TNFRSF19: variants seen among roughly 807,000 people sequenced by gnomAD.
TNFRSF19 encodes the protein TNF receptor superfamily member 19, also known as tumor necrosis factor receptor superfamily member 19.
Under a neutral mutation model 46.4 loss-of-function variants are expected in TNFRSF19, and 27 were observed. That is an observed-to-expected ratio of 0.58 (90% CI 0.43 to 0.80). The LOEUF (loss-of-function observed/expected upper bound fraction) is 0.80, where lower values mean the gene tolerates loss of function less well. Ranked by LOEUF, TNFRSF19 falls within the 30% of genes least tolerant of loss-of-function variation. TNFRSF19 has a pLI of 0.00. For synonymous variants in TNFRSF19, 204 were observed against 205.0 expected, an observed-to-expected ratio of 1.00 and a Z score of 0.04; for missense variants, 511 against 530.8, an observed-to-expected ratio of 0.96 and a Z score of 0.37.
intron 7 of TNFRSF19, among the ~76,000 whole-genome samples, chr13:23,667,441 TAGG>T (rs966177840): frequency 6.6e-6 from 1 of 152,200 alleles, no homozygotes; most frequent in Non-Finnish European, 1.5e-5. Flanking sequence ...TCGTCTGTGT[TAGG>T]AGGCCACTCA....
chr13:23,656,439 T>C (rs930317613), intron 5 of TNFRSF19, among the ~76,000 whole-genome samples: 3 of 152,222 alleles, frequency 2.0e-5, no homozygotes, highest in Non-Finnish European at 4.4e-5. Context: ...GAATGTATTA[T>C]AGAAGGATTT....
chr13:23,597,584 C>T (rs566523034), intron 3 of TNFRSF19, among the ~76,000 whole-genome samples: 1 of 150,256 alleles, frequency 6.7e-6, no homozygotes, highest in South Asian at 2.1e-4. Flanking sequence ...ATAACAAGTT[C>T]TGAAATTGAG....
At chr13:23,616,307 A>C (rs1458535275) in intron 4 of TNFRSF19, among the ~76,000 whole-genome samples, 1 of 152,224 alleles carries the variant, frequency 6.6e-6, no homozygotes, top group Non-Finnish European at 1.5e-5. Flanking sequence ...GAGTTCCTAC[A>C]AATCAGTAAA....
chr13:23,632,357 C>A (rs991450490), intron 5 of TNFRSF19, among the ~76,000 whole-genome samples: 1 of 152,180 alleles, frequency 6.6e-6, no homozygotes, highest in African/African-American at 2.4e-5. Context: ...AAATACTTAG[C>A]TCTTTACTGC....
chr13:23,660,413 G>T lies in TNFRSF19; in HGVS notation c.659G>T (p.Cys220Phe), dbSNP rs149014293. ...DIQYNGSELS[C>F]FDRPQLHEYA... ...CAGTACAACGGCTCTGAGCTGTCGT[G>T]TTTTGACAGACCTCAGCTCCACGAA... Residue 220 changes from cysteine to phenylalanine, a missense_variant, in exon 7 of 10, where the codon TGT becomes TTT. Around this residue, in one of 3 missense-constraint regions of TNFRSF19, gnomAD observed 376 missense variants for 372.7 expected, o/e 1.01. Transcript: ENST00000248484. 1.4e-5 allele frequency: 23 copies of T among 1,613,980 alleles called. No individual in the cohort carries two copies. The African/African-American group carries it at 2.8e-4, about 20-fold the overall frequency.
intron 3 of TNFRSF19, among the ~76,000 whole-genome samples, chr13:23,613,502 T>G (rs1881042973): frequency 6.6e-6 from 1 of 152,216 alleles, no homozygotes; most frequent in African/African-American, 2.4e-5. Flanking sequence ...TTAATGCACC[T>G]CTTTCTCTGC....
At chr13:23,613,030 C>G (rs1881007420) in intron 3 of TNFRSF19, among the ~76,000 whole-genome samples, 1 of 152,146 alleles carries the variant, frequency 6.6e-6, no homozygotes, top group Non-Finnish European at 1.5e-5. Context: ...TTCCACTAAA[C>G]TTGTTTTAAT....
intron 3 of TNFRSF19, among the ~76,000 whole-genome samples, chr13:23,613,908 C>T (rs1881071305): frequency 6.6e-6 from 1 of 152,192 alleles, no homozygotes; most frequent in Non-Finnish European, 1.5e-5. Flanking sequence ...CTTGAATATG[C>T]ATCTTTATTG....
At chr13:23,580,546 C>T (rs1461373580) in intron 1 of TNFRSF19, among the ~76,000 whole-genome samples, 1 of 152,240 alleles carries the variant, frequency 6.6e-6, no homozygotes, top group Non-Finnish European at 1.5e-5. Flanking sequence ...AGGATTTACT[C>T]AGTACCTTTT....
intron 3 of TNFRSF19, among the ~76,000 whole-genome samples, chr13:23,614,737 T>C: frequency 1.0e-5 from 1 of 96,096 alleles, no homozygotes; most frequent in African/African-American, 3.8e-5. Flanking sequence ...TTCCTGTGGA[T>C]AAGTAATACA....
chr13:23,668,890 T>G lies in TNFRSF19; in HGVS notation c.1038T>G (p.Ser346=). 2 of 1,614,250 alleles carry G rather than the reference T, an allele frequency of 1.2e-6. No individual in the cohort carries two copies. Among genetic ancestry groups the G allele is most frequent in the South Asian group, 2.2e-5 (2 of 91,082 alleles). The change falls in exon 9 of 10, where the codon TCT becomes TCG. Residue 346 remains serine, a synonymous_variant. Transcript: ENST00000248484. The stretch of plus-strand genomic sequence containing the variant: ...ATCCAGAACTTGAAAGCTCAACGTC[T>G]TTGGATTCAAATAGCAGTCAAGATT... ...SLNPELESST[S]LDSNSSQDLV... is the part of the protein sequence containing the mutation.
At chr13:23,665,024 C>G (rs1951598110) in intron 7 of TNFRSF19, among the ~76,000 whole-genome samples, 1 of 152,126 alleles carries the variant, frequency 6.6e-6, no homozygotes, top group Non-Finnish European at 1.5e-5. Context: ...AATTCTTTTT[C>G]TGCTAATTAT....
intron 3 of TNFRSF19, among the ~76,000 whole-genome samples, chr13:23,604,238 C>A (rs1880363094): frequency 1.3e-5 from 2 of 150,094 alleles, no homozygotes; most frequent in African/African-American, 5.0e-5. Flanking sequence ...AAATTAAAAA[C>A]ACAATATAAT....
intron 3 of TNFRSF19, among the ~76,000 whole-genome samples, chr13:23,602,421 TG>T (rs1880224893): frequency 6.6e-6 from 1 of 152,146 alleles, no homozygotes; most frequent in African/African-American, 2.4e-5. Flanking sequence ...CTACTGTAGT[TG>T]GAGACTTCAA....
intron 2 of TNFRSF19, among the ~76,000 whole-genome samples, chr13:23,592,363 C>A (rs905362460): frequency 6.6e-6 from 1 of 152,092 alleles, no homozygotes; most frequent in African/African-American, 2.4e-5. Flanking sequence ...TTCTGTGATG[C>A]TGCTAATACC....
At chr13:23,669,215 T>A in intron 9 of TNFRSF19, 118 bp downstream of exon 9, 1 of 1,444,206 alleles carries the variant, frequency 6.9e-7, no homozygotes, top group Non-Finnish European at 9.0e-7. Context: ...TCTTTAATAA[T>A]TTCTTGTATG....
intron 1 of TNFRSF19, among the ~76,000 whole-genome samples, chr13:23,574,270 TTCAATA>T (rs1253226858): frequency 7.9e-5 from 12 of 152,080 alleles, no homozygotes; most frequent in Admixed American, 6.6e-4. Flanking sequence ...TATCAATTAA[TTCAATA>T]TCAAGTACTT....
chr13:23,615,778 T>C, intron 3 of TNFRSF19, 89 bp from the exon 4 acceptor site: 1 of 1,358,996 alleles, frequency 7.4e-7, no homozygotes, highest in Non-Finnish European at 9.8e-7. Flanking sequence ...TGGTAATTAT[T>C]AGACCAGGTC....
intron 5 of TNFRSF19, among the ~76,000 whole-genome samples, chr13:23,646,942 A>G (rs1883365772): frequency 6.6e-6 from 1 of 152,170 alleles, no homozygotes; most frequent in Non-Finnish European, 1.5e-5. Flanking sequence ...CATCTCCACC[A>G]AAACTTGTTA....
Sources: gnomAD v4.1 joint callset for allele counts (sites outside exome capture counted in the v4.1 genomes callset) on GRCh38, gnomAD v4.1.1 for gene constraint, gnomAD v4.1.1 regional missense constraint, MANE v1.5 for transcripts, NCBI Gene and HGNC (gene_info 2026-07-23, HGNC 2026-07-21) for gene names.